Variants in EML6 observed in about 807,000 individuals in gnomAD.
The protein encoded by EML6 is EMAP like 6.
A neutral mutation model predicts 240.1 loss-of-function variants in EML6; 154 were observed. The observed-to-expected ratio is 0.64, with a 90% CI of 0.56 to 0.73. The LOEUF (loss-of-function observed/expected upper bound fraction) is 0.73. EML6 is among the 30% of genes least tolerant of loss of function. The pLI is 0.00. For missense variants in EML6, 2,964 were observed against 2,474.6 expected, an observed-to-expected ratio of 1.20 and a Z score of -4.20; for synonymous variants, 1,148 against 899.0, an observed-to-expected ratio of 1.28 and a Z score of -4.95.
intron 17 of EML6, chr2:54,882,873 A>AAAAAAAAAAAAAAAAAAAAAAAAAAGAG (rs796515025): frequency 8.9e-6 from 1 of 112,408 alleles, no homozygotes; most frequent in Non-Finnish European, 1.9e-5. Flanking sequence ...AAAAAAAAAA[A>AAAAAAAAAAAAAAAAAAAAAAAAAAGAG]AGAAAGCTTA....
intron 2 of EML6, among the ~76,000 whole-genome samples, chr2:54,767,597 A>AGTGTGTGT (rs111232633): frequency 0.015 from 2,134 of 145,510 alleles, 61 homozygotes; most frequent in African/African-American, 0.049. Flanking sequence ...TGGTATGAAG[A>AGTGTGTGT]GTGTGTGTGT....
chr2:54,829,245 T>G (rs909121780), intron 6 of EML6, 97 bp from the exon 7 acceptor site: 10 of 1,246,132 alleles, frequency 8.0e-6, no homozygotes, highest in Admixed American at 2.6e-5. Flanking sequence ...TTATTTTTGT[T>G]TTTGACTTGC....
At chr2:54,869,933 T>C (rs536785873) in intron 15 of EML6, among the ~76,000 whole-genome samples, 58 of 152,240 alleles carry the variant, frequency 3.8e-4, no homozygotes, top group African/African-American at 1.3e-3. Flanking sequence ...AAGAGAAAAA[T>C]AATCATTAAC....
chr2:54,907,542 A>G (rs555096656), intron 24 of EML6, among the ~76,000 whole-genome samples: 2 of 152,310 alleles, frequency 1.3e-5, no homozygotes, highest in South Asian at 4.1e-4. Flanking sequence ...TTGAGCCATA[A>G]TAGGACATTT....
intron 2 of EML6, among the ~76,000 whole-genome samples, chr2:54,750,872 A>C (rs1379847263): frequency 6.6e-6 from 1 of 152,182 alleles, no homozygotes; most frequent in African/African-American, 2.4e-5. Context: ...CGATCAGTGC[A>C]AGAAATTGTG....
intron 2 of EML6, among the ~76,000 whole-genome samples, chr2:54,734,419 G>C (rs1683304797): frequency 6.6e-6 from 1 of 152,250 alleles, no homozygotes; most frequent in Non-Finnish European, 1.5e-5. Context: ...TCCAGACAGT[G>C]CTAGGCAATG....
At chr2:54,937,273 T>G in intron 28 of EML6, among the ~76,000 whole-genome samples, 1 of 132,362 alleles carries the variant, frequency 7.6e-6, no homozygotes. Context: ...AGCGAAACTC[T>G]GTCTCAAAAA....
rs147217321 is a variant in EML6, at chr2:54,782,762, C to G, written c.198-30470C>G. ...ATTCATTGTTCATCCCCACCCACCT[C>G]CATTTTGTTTTACCCTCTTACTCAT... On this transcript the variant is annotated intron_variant, in intron 2 of 41. Coordinates refer to ENST00000356458, the MANE Select transcript of EML6 (RefSeq NM_001039753.4). 3.3e-3 allele frequency among the ~76,000 whole-genome samples: 506 copies of G among 151,898 alleles called. 5 individuals are homozygous for G. Among genetic ancestry groups the G allele is most frequent in the African/African-American group, 0.012 (481 of 41,418 alleles).
intron 41 of EML6, among the ~76,000 whole-genome samples, chr2:54,969,419 A>G (rs908486498): frequency 1.3e-5 from 2 of 152,060 alleles, no homozygotes; most frequent in African/African-American, 4.8e-5. Context: ...TCCCACTCAA[A>G]AGCACTGTGT....
At chr2:54,814,412 C>G (rs761125513) in intron 3 of EML6, among the ~76,000 whole-genome samples, 7 of 152,156 alleles carry the variant, frequency 4.6e-5, no homozygotes, top group African/African-American at 1.7e-4. Context: ...TAGGTTGATA[C>G]GTTCTAGAAA....
intron 37 of EML6, 74 bp from the exon 38 acceptor site, chr2:54,964,497 C>G: frequency 7.1e-7 from 1 of 1,416,822 alleles, no homozygotes; most frequent in Non-Finnish European, 9.6e-7. Context: ...AGGCCTGTCA[C>G]AGACCAGCCT....
rs777223730 is a variant in EML6 at position 54,964,509 on chromosome 2, C to T, written c.5331-62C>T. On this transcript the variant is annotated intron_variant, in intron 37 of 41. Transcript: ENST00000356458. Reference sequence around the variant, plus strand: ...GGAAGGCCTGTCACAGACCAGCCTTCGTGCCTGACCAGCCCCAAACAGCCC... The same window carrying T: ...GGAAGGCCTGTCACAGACCAGCCTTTGTGCCTGACCAGCCCCAAACAGCCC... 3.6e-5 allele frequency: 53 copies of T among 1,488,316 alleles called. No homozygotes were observed. In the Middle Eastern group the frequency reaches 1.8e-3, roughly 50 times the overall value. 92.2% of individuals were successfully genotyped at this position (1,488,316 alleles called of 1,614,324 possible).
chr2:54,957,238 C>T (rs115770602), intron 32 of EML6, among the ~76,000 whole-genome samples: 3,363 of 145,296 alleles, frequency 0.023, 65 homozygotes, highest in South Asian at 0.038. Context: ...ACTCAGGAGA[C>T]ATAAATAAAT....
In EML6 at chr2:54,866,808, G is replaced by A; in HGVS notation, c.1975G>A (p.Glu659Lys). The A allele has an allele frequency of 1.3e-6, 2 of 1,551,164 alleles. No homozygotes were observed. Among genetic ancestry groups the A allele is most frequent in the Non-Finnish European group, 1.7e-6 (2 of 1,146,562 alleles). Reference sequence around the variant, plus strand: ...ACCTCAGCTAAAGCAACAAAGTAAAGAGAAAAACCACGCAGTGCCCTTCCT... The same window carrying A: ...ACCTCAGCTAAAGCAACAAAGTAAAAAGAAAAACCACGCAGTGCCCTTCCT... ...DLPQLKQQSK[E>K]KNHAVPFLKR... Residue 659 changes from glutamate (E) to lysine (K), a missense_variant, in exon 14 of 42, where the codon GAG becomes AAG. Transcript: ENST00000356458.
intron 5 of EML6, among the ~76,000 whole-genome samples, chr2:54,820,678 C>A (rs976100146): frequency 1.3e-5 from 2 of 152,052 alleles, no homozygotes; most frequent in African/African-American, 2.4e-5. Context: ...TGAAGTGCTC[C>A]GCAGGCAGCT....
At chr2:54,802,397 G>A (rs964680490) in intron 2 of EML6, among the ~76,000 whole-genome samples, 18 of 152,048 alleles carry the variant, frequency 1.2e-4, no homozygotes, top group South Asian at 6.2e-4. Context: ...AGGCTGAGGC[G>A]GGCAGATCGC....
intron 28 of EML6, among the ~76,000 whole-genome samples, chr2:54,947,838 C>T (rs1409565044): frequency 6.6e-6 from 1 of 152,186 alleles, no homozygotes; most frequent in Non-Finnish European, 1.5e-5. Flanking sequence ...GACTGGTGCA[C>T]TCTTTCATTT....
chr2:54,767,029 T>C (rs757585570), intron 2 of EML6, among the ~76,000 whole-genome samples: 8 of 152,188 alleles, frequency 5.3e-5, no homozygotes, highest in Non-Finnish European at 7.4e-5. Flanking sequence ...CAGAATAGTT[T>C]GCTTTCACAT....
intron 7 of EML6, among the ~76,000 whole-genome samples, chr2:54,840,463 T>TG (rs1325881089): frequency 1.3e-5 from 2 of 152,258 alleles, no homozygotes; most frequent in African/African-American, 4.8e-5. Context: ...CATGGATATC[T>TG]GCTTACATAT....
Sources: gnomAD v4.1 joint callset for allele counts (sites outside exome capture counted in the v4.1 genomes callset) on GRCh38, gnomAD v4.1.1 for gene constraint, MANE v1.5 for transcripts, NCBI Gene and HGNC (gene_info 2026-07-23, HGNC 2026-07-21) for gene names.